The following CACNA1E variants were observed in gnomAD, a reference collection of about 807,000 sequenced individuals.
CACNA1E encodes the protein calcium voltage-gated channel subunit alpha1 E.
CACNA1E carries 40 observed loss-of-function variants against 259.2 expected under a neutral mutation model. The ratio of observed to expected loss-of-function variants is 0.15; its 90% CI spans 0.12 to 0.20. The LOEUF (loss-of-function observed/expected upper bound fraction) is 0.20, where lower values mean the gene tolerates loss of function less well. Ranked by LOEUF, CACNA1E falls within the 10% of genes least tolerant of loss-of-function variation. The probability of loss-of-function intolerance (pLI) is 1.00; values close to 1 mark genes in which losing one functional copy is unlikely to be tolerated. For synonymous variants in CACNA1E, 1,104 were observed against 1,138.5 expected, an observed-to-expected ratio of 0.97 and a Z score of 0.61; for missense variants, 1,874 against 3,040.1, an observed-to-expected ratio of 0.62 and a Z score of 9.02.
At chr1:181,751,412 G>GTGC (rs890029693) in intron 26 of CACNA1E, among the ~76,000 whole-genome samples, 1 of 152,212 alleles carries the variant, frequency 6.6e-6, no homozygotes, top group African/African-American at 2.4e-5. Context: ...TCTGCAGCCT[G>GTGC]TGCTAGGTGC....
chr1:181,742,089 C>T (rs1435338352), intron 25 of CACNA1E, among the ~76,000 whole-genome samples: 1 of 152,212 alleles, frequency 6.6e-6, no homozygotes, highest in Non-Finnish European at 1.5e-5. Flanking sequence ...TCCCACTCCC[C>T]CTCCTTTGGC....
intron 40 of CACNA1E, among the ~76,000 whole-genome samples, chr1:181,784,207 TTAC>T (rs1284691468): frequency 1.3e-5 from 2 of 152,200 alleles, no homozygotes; most frequent in African/African-American, 2.4e-5. Context: ...GAGAACAGGC[TTAC>T]TACTACTTCC....
At chr1:181,574,796 G>C (rs555205005) in intron 3 of CACNA1E, among the ~76,000 whole-genome samples, 1 of 152,178 alleles carries the variant, frequency 6.6e-6, no homozygotes, top group Non-Finnish European at 1.5e-5. Context: ...GGAGGCCGAG[G>C]CAGGCGGATC....
Position 181,720,825 on chromosome 1 carries a change from C to T in CACNA1E, c.1926C>T (p.Thr642=), listed in dbSNP as rs1488042647. The change falls in exon 15 of 48, where the codon ACC becomes ACT. Residue 642 remains threonine (T), a synonymous_variant. Coordinates refer to ENST00000367573, the MANE Select transcript of CACNA1E (RefSeq NM_001205293.3). ...NDGTPSANFD[T]FPAAIMTVFQ... is the part of the protein sequence containing the mutation. ...GGACTCCTTCGGCAAATTTTGATACCTTCCCTGCAGCCATCATGACTGTGT... is the reference window on the plus strand; with the variant it reads ...GGACTCCTTCGGCAAATTTTGATACTTTCCCTGCAGCCATCATGACTGTGT... 6 of 1,611,774 alleles carry T rather than the reference C, an allele frequency of 3.7e-6. No individual in the cohort carries two copies. The East Asian group carries it at 8.9e-5, about 24-fold the overall frequency.
chr1:181,460,141 A>T (rs1025704355), intron 2 of CACNA1E, among the ~76,000 whole-genome samples: 3 of 152,220 alleles, frequency 2.0e-5, no homozygotes, highest in African/African-American at 7.2e-5. Flanking sequence ...GCCTGGTAGG[A>T]CATGATAAGG....
chr1:181,702,987 G>A (rs1347301757), intron 7 of CACNA1E, among the ~76,000 whole-genome samples: 2 of 151,982 alleles, frequency 1.3e-5, no homozygotes, highest in African/African-American at 4.8e-5. Flanking sequence ...TTTTGAGAAG[G>A]GGGTCTTATT....
chr1:181,412,684 G>T (rs1220824756), intron 1 of CACNA1E, among the ~76,000 whole-genome samples: 2 of 152,168 alleles, frequency 1.3e-5, no homozygotes, highest in Non-Finnish European at 2.9e-5. Context: ...GGGTTAGAGG[G>T]ATTCTTCTAC....
intron 9 of CACNA1E, 55 bp from the exon 10 acceptor site, chr1:181,715,985 G>C (rs937242865): frequency 1.5e-6 from 2 of 1,297,608 alleles, no homozygotes; most frequent in African/African-American, 1.5e-5. Context: ...ATTTTGTCCA[G>C]AATGGTCTGG....
At chr1:181,793,547 T>C (rs1201315324) in intron 44 of CACNA1E, 118 bp from the exon 45 acceptor site, 7 of 1,098,720 alleles carry the variant, frequency 6.4e-6, no homozygotes, top group Non-Finnish European at 7.8e-6. Context: ...ACTGAGACCT[T>C]AAAGCTGCAA....
intron 6 of CACNA1E, among the ~76,000 whole-genome samples, chr1:181,625,308 A>G (rs1656093025): frequency 1.3e-5 from 2 of 152,144 alleles, no homozygotes; most frequent in African/African-American, 4.8e-5. Flanking sequence ...TTTGAAGCCA[A>G]ACGTCGTCTT....
At chr1:181,445,469 G>A (rs1660735924) in intron 2 of CACNA1E, among the ~76,000 whole-genome samples, 1 of 142,130 alleles carries the variant, frequency 7.0e-6, no homozygotes, top group South Asian at 2.2e-4. Context: ...TGAAGGATAG[G>A]AAGTGAGGAT....
chr1:181,393,875 G>T (rs576203380), intron 1 of CACNA1E, among the ~76,000 whole-genome samples: 1 of 152,308 alleles, frequency 6.6e-6, no homozygotes, highest in East Asian at 1.9e-4. Flanking sequence ...CAACAAGCAG[G>T]TACCAAGAAC....
intron 3 of CACNA1E, among the ~76,000 whole-genome samples, chr1:181,519,110 G>A (rs1459011353): frequency 6.6e-6 from 1 of 152,146 alleles, no homozygotes; most frequent in Non-Finnish European, 1.5e-5. Context: ...GAGTGTATGT[G>A]GAAGAGGGAG....
At chr1:181,675,818 C>T (rs980751143) in intron 7 of CACNA1E, among the ~76,000 whole-genome samples, 1 of 152,206 alleles carries the variant, frequency 6.6e-6, no homozygotes, top group Non-Finnish European at 1.5e-5. Context: ...AATGCCTTTG[C>T]AGCCTCCCGG....
chr1:181,389,356 C>A (rs1222124277), intron 1 of CACNA1E, among the ~76,000 whole-genome samples: 1 of 152,188 alleles, frequency 6.6e-6, no homozygotes, highest in Non-Finnish European at 1.5e-5. Context: ...AAGGAGACTT[C>A]GTGTTACCTG....
intron 6 of CACNA1E, among the ~76,000 whole-genome samples, chr1:181,621,421 C>T (rs145800457): frequency 6.6e-6 from 1 of 152,274 alleles, no homozygotes; most frequent in African/African-American, 2.4e-5. Flanking sequence ...AACAGAAAGA[C>T]ATGGAGTCAT....
At chr1:181,510,121 C>G (rs2102616221) in intron 1 of CACNA1E, among the ~76,000 whole-genome samples, 1 of 152,146 alleles carries the variant, frequency 6.6e-6, no homozygotes, top group East Asian at 1.9e-4. Context: ...ATGTTTCTTC[C>G]TCCTTTCTTC....
chr1:181,695,552 A>G (rs1651610565), intron 7 of CACNA1E, among the ~76,000 whole-genome samples: 1 of 152,234 alleles, frequency 6.6e-6, no homozygotes, highest in Non-Finnish European at 1.5e-5. Context: ...AACAGATTAG[A>G]GAGCCCCTCA....
At chr1:181,757,192 G>T in intron 30 of CACNA1E, 66 bp downstream of exon 30, 1 of 1,123,614 alleles carries the variant, frequency 8.9e-7, no homozygotes, top group South Asian at 1.3e-5. Context: ...GGCCAGCAAT[G>T]TAAGAAAGGA....
Sources: gnomAD v4.1 joint callset for allele counts (sites outside exome capture counted in the v4.1 genomes callset) on GRCh38, gnomAD v4.1.1 for gene constraint, MANE v1.5 for transcripts, NCBI Gene and HGNC (gene_info 2026-07-23, HGNC 2026-07-21) for gene names.